PARD3: variants seen among roughly 807,000 people sequenced by gnomAD.
PARD3 encodes par-3 family cell polarity regulator.
Under a neutral mutation model 155.4 loss-of-function variants are expected in PARD3, and 75 were observed. That is an observed-to-expected ratio of 0.48 (90% confidence interval 0.40 to 0.58). The LOEUF is 0.58. Among genes scored for constraint, PARD3 ranks in the 20% least tolerant of loss-of-function variants. PARD3 has a pLI of 0.00. For synonymous variants in PARD3, 576 were observed against 610.5 expected (o/e 0.94, Z 0.83); for missense variants, 1,642 against 1,721.7 (o/e 0.95, Z 0.82).
intron 1 of PARD3, among the ~76,000 whole-genome samples, chr10:34,728,866 A>G (rs754668884): frequency 6.6e-6 from 1 of 152,368 alleles, no homozygotes; most frequent in East Asian, 1.9e-4. Flanking sequence ...CATGTACTGC[A>G]TAACATTTCA....
chr10:34,155,598 T>C (rs1805202), intron 22 of PARD3, among the ~76,000 whole-genome samples: 45,331 of 151,592 alleles, frequency 0.3, 7,367 homozygotes, highest in Middle Eastern at 0.42. Context: ...GAAGATGAAC[T>C]TTTGGGCATT....
Position 34,507,564 on chromosome 10 carries a change from A to G in PARD3, c.403+9415T>C, listed in dbSNP as rs556701365. Among the ~76,000 whole-genome samples, 69 of 152,096 alleles carry G rather than the reference A, an allele frequency of 4.5e-4. 2 individuals carry two copies. In the East Asian group the frequency reaches 0.013, roughly 28 times the overall value. On this transcript the variant is annotated intron_variant, in intron 3 of 24. Coordinates refer to ENST00000374788, the MANE Select transcript of PARD3 (RefSeq NM_001184785.2). ...TTAAAAAAACAAAAAAAAAAAAACA[A>G]AAAAGGAGATACTTTGTGGGCAAAA... is the stretch of plus-strand genomic sequence containing the variant.
At chr10:34,647,357 T>C (rs1333977493) in intron 2 of PARD3, among the ~76,000 whole-genome samples, 1 of 152,126 alleles carries the variant, frequency 6.6e-6, no homozygotes, top group Non-Finnish European at 1.5e-5. Context: ...AGCGGATGAG[T>C]TAAACAGGGA....
intron 9 of PARD3, among the ~76,000 whole-genome samples, chr10:34,380,437 G>A (rs932916397): frequency 6.6e-6 from 1 of 151,988 alleles, no homozygotes; most frequent in Admixed American, 6.6e-5. Context: ...TTCATTAAAT[G>A]CTATTAAAAT....
chr10:34,119,363 C>A (rs1295203134), intron 24 of PARD3, among the ~76,000 whole-genome samples: 1 of 152,202 alleles, frequency 6.6e-6, no homozygotes. Flanking sequence ...GTACACGAGT[C>A]GCTTCACTTT....
At chr10:34,765,498 T>C (rs1054920731) in intron 1 of PARD3, among the ~76,000 whole-genome samples, 10 of 151,984 alleles carry the variant, frequency 6.6e-5, no homozygotes, top group Non-Finnish European at 8.8e-5. Flanking sequence ...GCCCACATGG[T>C]GAAACCCCGT....
chr10:34,361,337 T>C (rs570610780), intron 12 of PARD3, among the ~76,000 whole-genome samples: 1 of 152,224 alleles, frequency 6.6e-6, no homozygotes, highest in Non-Finnish European at 1.5e-5. Context: ...CCAGCATCTG[T>C]TTAGTCATTC....
At chr10:34,769,799 C>CAAAAAAAAAAAAAAAAA (rs372925164) in intron 1 of PARD3, among the ~76,000 whole-genome samples, 4 of 66,632 alleles carry the variant, frequency 6.0e-5, no homozygotes, top group South Asian at 3.2e-4. Context: ...AACAAAAAAA[C>CAAAAAAAAAAAAAAAAA]AAAACAAAAA....
intron 2 of PARD3, among the ~76,000 whole-genome samples, chr10:34,617,575 C>G (rs1278938177): frequency 6.6e-6 from 1 of 152,002 alleles, no homozygotes; most frequent in Non-Finnish European, 1.5e-5. Flanking sequence ...AATATCACAC[C>G]GTATGCCATA....
At chr10:34,515,118 C>G (rs1024754017) in intron 3 of PARD3, among the ~76,000 whole-genome samples, 1 of 152,120 alleles carries the variant, frequency 6.6e-6, no homozygotes, top group Non-Finnish European at 1.5e-5. Context: ...TCATTCCAAG[C>G]AGATATCCAC....
At chr10:34,794,397 ATG>A (rs1344089350) in intron 1 of PARD3, among the ~76,000 whole-genome samples, 1 of 152,234 alleles carries the variant, frequency 6.6e-6, no homozygotes, top group Non-Finnish European at 1.5e-5. Flanking sequence ...ATAGTATATT[ATG>A]TATTACCAGG....
chr10:34,229,534 C>T (rs1952802571), intron 22 of PARD3, among the ~76,000 whole-genome samples: 1 of 152,018 alleles, frequency 6.6e-6, no homozygotes, highest in Non-Finnish European at 1.5e-5. Context: ...CAGGTGTGAG[C>T]CACATCTGGC....
At chr10:34,129,702 T>TTTTTG (rs1217115754) in intron 23 of PARD3, among the ~76,000 whole-genome samples, 1 of 120,232 alleles carries the variant, frequency 8.3e-6, no homozygotes, top group African/African-American at 3.0e-5. Context: ...TCAAGCCTCT[T>TTTTTG]TTTTTTTTTT....
At chr10:34,676,139 A>G (rs1163736585) in intron 2 of PARD3, 1 of 152,430 alleles carries the variant, frequency 6.6e-6, no homozygotes, top group Non-Finnish European at 1.5e-5. Context: ...CATGGTCTCA[A>G]TTCTCTTGAC....
chr10:34,394,791 C>T (rs930734546), intron 7 of PARD3, among the ~76,000 whole-genome samples: 1 of 152,056 alleles, frequency 6.6e-6, no homozygotes, highest in African/African-American at 2.4e-5. Flanking sequence ...TGTATCATTA[C>T]CGTTTCTTTG....
chr10:34,747,750 A>G (rs185789272), intron 1 of PARD3, among the ~76,000 whole-genome samples: 8 of 152,352 alleles, frequency 5.3e-5, no homozygotes, highest in African/African-American at 1.9e-4. Context: ...CACTTGTGAA[A>G]GATGTTGAAA....
chr10:34,708,947 C>T (rs1024592148), intron 1 of PARD3, among the ~76,000 whole-genome samples: 2 of 152,052 alleles, frequency 1.3e-5, no homozygotes, highest in African/African-American at 2.4e-5. Flanking sequence ...CACCCTTATT[C>T]TAAGGAGTTG....
intron 22 of PARD3, among the ~76,000 whole-genome samples, chr10:34,145,299 T>C (rs1948454765): frequency 1.4e-5 from 2 of 147,480 alleles, no homozygotes; most frequent in Non-Finnish European, 1.5e-5. Flanking sequence ...TTTTGAAAAA[T>C]TGATTTTGCT....
chr10:34,476,409 G>A (rs186337795), intron 3 of PARD3, among the ~76,000 whole-genome samples: 4 of 152,246 alleles, frequency 2.6e-5, no homozygotes, highest in Non-Finnish European at 5.9e-5. Context: ...TGATGTAGAT[G>A]TCAACTCGGT....
Sources: gnomAD v4.1 joint callset for allele counts (sites outside exome capture counted in the v4.1 genomes callset) on GRCh38, gnomAD v4.1.1 for gene constraint, MANE v1.5 for transcripts, NCBI Gene and HGNC (gene_info 2026-07-23, HGNC 2026-07-21) for gene names.